The following SLC25A16 variants were observed in gnomAD, a reference collection of about 807,000 sequenced individuals.
The protein encoded by SLC25A16 is solute carrier family 25 member 16.
Under a neutral mutation model 41.5 loss-of-function variants are expected in SLC25A16, and 39 were observed. The observed-to-expected ratio is 0.94, with a 90% CI of 0.73 to 1.23. The LOEUF (loss-of-function observed/expected upper bound fraction) is 1.23. Among genes scored for constraint, SLC25A16 ranks in the 50% most tolerant of loss-of-function variants. The pLI is 0.00. For synonymous variants in SLC25A16, 146 were observed against 147.8 expected (o/e 0.99, Z 0.09); for missense variants, 421 against 426.9 (o/e 0.99, Z 0.12).
At chr10:68,507,136 G>A (rs551581621) in intron 2 of SLC25A16, among the ~76,000 whole-genome samples, 24 of 146,386 alleles carry the variant, frequency 1.6e-4, no homozygotes, top group South Asian at 1.5e-3. Flanking sequence ...GCAGTGGCGC[G>A]ATCTGGGCTC....
intron 4 of SLC25A16, among the ~76,000 whole-genome samples, chr10:68,500,492 C>T (rs986821109): frequency 1.3e-5 from 2 of 151,838 alleles, no homozygotes; most frequent in Non-Finnish European, 2.9e-5. Context: ...ATTTTTGCTA[C>T]AGACAGGGTT....
At chr10:68,502,149 TGTGGCAGTGAGCTGAGATC>T (rs2052858828) in intron 4 of SLC25A16, among the ~76,000 whole-genome samples, 1 of 151,694 alleles carries the variant, frequency 6.6e-6, no homozygotes, top group South Asian at 2.1e-4. Context: ...GAGCTGAGAT[TGTGGCAGTGAGCTGAGATC>T]GTGCCACTGC....
chr10:68,510,169 G>A (rs112081432), intron 2 of SLC25A16, among the ~76,000 whole-genome samples: 2,086 of 152,156 alleles, frequency 0.014, 55 homozygotes, highest in African/African-American at 0.047. Flanking sequence ...ATAAAAAGTC[G>A]GAGTAGAAGT....
chr10:68,493,323 T>C (rs1051160190), intron 5 of SLC25A16, 125 bp from the exon 6 acceptor site: 1 of 1,132,908 alleles, frequency 8.8e-7, no homozygotes, highest in Non-Finnish European at 1.3e-6. Context: ...CAAAGATGTG[T>C]TTTCGTAATT....
At chr10:68,494,297 A>G (rs1469504960) in intron 4 of SLC25A16, among the ~76,000 whole-genome samples, 1 of 151,074 alleles carries the variant, frequency 6.6e-6, no homozygotes, top group Non-Finnish European at 1.5e-5. Flanking sequence ...CCCCATCTCT[A>G]CTAAAAATAC....
intron 8 of SLC25A16, 174 bp downstream of exon 8, chr10:68,486,970 A>T (rs948753402): frequency 2.5e-6 from 1 of 399,952 alleles, no homozygotes; most frequent in Admixed American, 4.3e-5. Flanking sequence ...AAAAAAAAAA[A>T]AAAAAAAAAA....
At chr10:68,493,334 ATTG>A (rs2052693589) in intron 5 of SLC25A16, 112 bp downstream of exon 5, 1 of 1,140,456 alleles carries the variant, frequency 8.8e-7, no homozygotes, top group African/African-American at 1.6e-5. Context: ...TTTCGTAATT[ATTG>A]TTATTAACAT....
chr10:68,487,256 T>C, intron 7 of SLC25A16, 44 bp from the exon 8 acceptor site: 4 of 1,402,890 alleles, frequency 2.9e-6, no homozygotes, highest in Non-Finnish European at 4.0e-6. Context: ...TTTTTGGTTT[T>C]CTACTCAACA....
Position 68,483,563 on chromosome 10 carries a change from C to T in SLC25A16, c.868G>A (p.Val290Ile), listed in dbSNP as rs763062599. The T allele has an allele frequency of 6.2e-7, 1 of 1,609,320 alleles. No homozygotes were observed. Among genetic ancestry groups the T allele is most frequent in the South Asian group, 1.1e-5 (1 of 89,992 alleles). ...CLTMRDTMKY[V>I]YGHHGIRKGL... is the part of the protein sequence containing the mutation. ...TTTCGAATTCCATGGTGTCCATAGA[C>T]ATACTTCATAGTATCCCGCATGGTA... The change falls in exon 9 of 9, where the codon GTC (valine) becomes ATC (isoleucine). Residue 290 changes from valine (V) to isoleucine (I), a missense_variant. Transcript: ENST00000609923.
In SLC25A16 at chr10:68,494,263, G is replaced by C. The variant is rs751529419; in HGVS notation, c.422-693C>G. On this transcript the variant is annotated intron_variant, in intron 4 of 8. Transcript: ENST00000609923. ...GTGGATTATGAGGTCAAGAGATCGA[G>C]CCGTCCTGGCCAACATGGTGAAACC... Among the ~76,000 whole-genome samples, 54 of 151,860 alleles carry C rather than the reference G, an allele frequency of 3.6e-4. 1 individual carries two copies. Among genetic ancestry groups the C allele is most frequent in the Non-Finnish European group, 5.9e-4 (40 of 67,976 alleles).
chr10:68,513,345 G>A (rs1464540243), intron 2 of SLC25A16, among the ~76,000 whole-genome samples: 1 of 147,080 alleles, frequency 6.8e-6, no homozygotes, highest in Non-Finnish European at 1.5e-5. Context: ...GAAGGCAGAG[G>A]ATACCATGAG....
Position 68,512,409 on chromosome 10 carries a change from G to A in SLC25A16, c.223+4342C>T, listed in dbSNP as rs1239794139. On this transcript the variant is annotated intron_variant, in intron 2 of 8. Coordinates refer to ENST00000609923, the MANE Select transcript of SLC25A16 (RefSeq NM_152707.4). ...TCCCAGCACTTTGGGAGGCCGAGGC[G>A]GGCGGATCACGAGGTCAGGAGATCG... Among the ~76,000 whole-genome samples, 11 of 90,646 alleles carry A rather than the reference G, an allele frequency of 1.2e-4. 2 individuals are homozygous for A. Among genetic ancestry groups the A allele is most frequent in the African/African-American group, 3.1e-4 (6 of 19,280 alleles). The allele number at this position is 90,646 out of a possible 152,430, so 59.5% of individuals were successfully genotyped here.
intron 1 of SLC25A16, among the ~76,000 whole-genome samples, chr10:68,518,870 A>G (rs1026989476): frequency 5.3e-5 from 8 of 152,188 alleles, no homozygotes; most frequent in Admixed American, 5.2e-4. Context: ...CTATGTTTCC[A>G]TATCAAAGCT....
At chr10:68,510,076 C>CA (rs950688273) in intron 2 of SLC25A16, among the ~76,000 whole-genome samples, 35 of 151,560 alleles carry the variant, frequency 2.3e-4, no homozygotes, top group African/African-American at 8.5e-4. Flanking sequence ...GACTCCATCT[C>CA]AAAAAATAAA....
At chr10:68,524,454 T>A (rs894538423) in intron 1 of SLC25A16, among the ~76,000 whole-genome samples, 16 of 151,448 alleles carry the variant, frequency 1.1e-4, no homozygotes, top group African/African-American at 3.7e-4. Context: ...GGCAGGAGAA[T>A]CTCTTGAACC....
At chr10:68,494,677 G>A (rs1327148709) in intron 4 of SLC25A16, among the ~76,000 whole-genome samples, 1 of 142,392 alleles carries the variant, frequency 7.0e-6, no homozygotes, top group East Asian at 2.0e-4. Flanking sequence ...AGGAGTTCGA[G>A]ACCAGCCTGG....
intron 3 of SLC25A16, 119 bp from the exon 4 acceptor site, chr10:68,503,814 A>G: frequency 8.7e-6 from 6 of 692,962 alleles, no homozygotes; most frequent in East Asian, 7.7e-5. Context: ...ATTAATAATA[A>G]ATGTGAACGA....
Position 68,480,245 on chromosome 10 carries a change from C to T in SLC25A16, c.*3187G>A, listed in dbSNP as rs1344613659. The T allele has an allele frequency of 1.3e-5, 2 of 152,060 alleles. No homozygotes were observed. The highest frequency in any genetic ancestry group is 4.8e-5 in the African/African-American group (2 of 41,418). The allele number at this position is 152,060 out of a possible 1,614,324, so 9.4% of individuals were successfully genotyped here. ...AGTCTTCAAATGGAAGATAACCTGG[C>T]AAGATGCACTTTGGGCAATCTGAAA... On this transcript the variant is annotated 3_prime_UTR_variant, in exon 9 of 9. Transcript: ENST00000609923.
intron 4 of SLC25A16, among the ~76,000 whole-genome samples, chr10:68,494,714 TA>T (rs2052721548): frequency 1.4e-5 from 2 of 138,174 alleles, no homozygotes; most frequent in South Asian, 2.4e-4. Context: ...CCATCTCTAC[TA>T]AAAATAAAAA....
Sources: gnomAD v4.1 joint callset for allele counts (sites outside exome capture counted in the v4.1 genomes callset) on GRCh38, gnomAD v4.1.1 for gene constraint, MANE v1.5 for transcripts, NCBI Gene and HGNC (gene_info 2026-07-23, HGNC 2026-07-21) for gene names.